Variants in CNTNAP2 observed in about 807,000 individuals in gnomAD.
The protein encoded by CNTNAP2 is contactin associated protein 2, also known as contactin-associated protein-like 2.
A neutral mutation model predicts 155.2 loss-of-function variants in CNTNAP2; 98 were observed. The ratio of observed to expected loss-of-function variants is 0.63; its 90% CI spans 0.54 to 0.75. The LOEUF is 0.75. Among genes scored for constraint, CNTNAP2 ranks in the 30% least tolerant of loss-of-function variants. The pLI, the probability that CNTNAP2 is intolerant of heterozygous loss-of-function variation, is 0.00. For missense variants in CNTNAP2, 1,727 were observed against 1,688.1 expected, an observed-to-expected ratio of 1.02 and a Z score of -0.40; for synonymous variants, 651 against 631.2, an observed-to-expected ratio of 1.03 and a Z score of -0.47.
chr7:147,003,485 G>A (rs1300473485), intron 3 of CNTNAP2, among the ~76,000 whole-genome samples: 1 of 151,340 alleles, frequency 6.6e-6, no homozygotes, highest in East Asian at 1.9e-4. Context: ...AAAAAAGGCA[G>A]GATAACTAAA....
intron 8 of CNTNAP2, among the ~76,000 whole-genome samples, chr7:147,225,761 AGG>A (rs1803509068): frequency 7.9e-6 from 1 of 127,124 alleles, no homozygotes; most frequent in Non-Finnish European, 1.7e-5. Flanking sequence ...GAAGGAAGGA[AGG>A]AAGGAAGGAA....
At chr7:147,942,085 C>T (rs1045276253) in intron 14 of CNTNAP2, among the ~76,000 whole-genome samples, 5 of 152,168 alleles carry the variant, frequency 3.3e-5, no homozygotes, top group Non-Finnish European at 7.3e-5. Flanking sequence ...GATGCAAGAC[C>T]TCACTGCTAT....
At position 146,169,393 on chromosome 7, in the gene CNTNAP2, A is replaced by G. The variant is rs117641983; in HGVS notation, c.97+52420A>G. ...TAAAATTGAGAAATGAAAAATGTCT[A>G]TATTGAAGGCATAATGTGATGATTT... On this transcript the variant is annotated intron_variant, in intron 1 of 23. Coordinates refer to ENST00000361727, the MANE Select transcript of CNTNAP2 (RefSeq NM_014141.6). Among the ~76,000 whole-genome samples, 966 of 152,324 alleles carry G rather than the reference A, an allele frequency of 6.3e-3. 5 individuals carry two copies. Among genetic ancestry groups the G allele is most frequent in the Non-Finnish European group, 9.6e-3 (653 of 68,024 alleles).
chr7:147,273,789 T>G (rs1804821283), intron 8 of CNTNAP2, among the ~76,000 whole-genome samples: 1 of 146,542 alleles, frequency 6.8e-6, no homozygotes, highest in Admixed American at 6.8e-5. Flanking sequence ...ATATCTATTT[T>G]ATATATATTT....
At chr7:146,952,000 C>A (rs1797323879) in intron 3 of CNTNAP2, among the ~76,000 whole-genome samples, 1 of 151,982 alleles carries the variant, frequency 6.6e-6, no homozygotes, top group Non-Finnish European at 1.5e-5. Flanking sequence ...AGGCCAGTAT[C>A]CCTGATGAAC....
intron 22 of CNTNAP2, among the ~76,000 whole-genome samples, chr7:148,395,422 C>T (rs549746488): frequency 5.3e-5 from 8 of 152,106 alleles, no homozygotes; most frequent in African/African-American, 1.9e-4. Context: ...CAGGACTGCA[C>T]CCTCCAGATG....
At chr7:147,149,677 CTCTA>C (rs1485211375) in intron 8 of CNTNAP2, among the ~76,000 whole-genome samples, 1 of 151,954 alleles carries the variant, frequency 6.6e-6, no homozygotes, top group African/African-American at 2.4e-5. Context: ...GTAGATAGAT[CTCTA>C]TCTACTGTGT....
At chr7:147,556,035 G>A (rs1031152461) in intron 11 of CNTNAP2, among the ~76,000 whole-genome samples, 6 of 152,210 alleles carry the variant, frequency 3.9e-5, no homozygotes, top group African/African-American at 9.6e-5. Flanking sequence ...ACGTCTGCAT[G>A]TAAGCAGAGA....
chr7:147,899,079 C>A (rs995912301), intron 13 of CNTNAP2, among the ~76,000 whole-genome samples: 6 of 137,206 alleles, frequency 4.4e-5, no homozygotes, highest in African/African-American at 7.9e-5. Context: ...GTCACTCAGG[C>A]CTTTCATCCC....
At chr7:147,988,736 T>C (rs1801662862) in intron 15 of CNTNAP2, among the ~76,000 whole-genome samples, 1 of 152,182 alleles carries the variant, frequency 6.6e-6, no homozygotes, top group South Asian at 2.1e-4. Context: ...GCGGGAGATT[T>C]CTCTGCAAAT....
intron 9 of CNTNAP2, among the ~76,000 whole-genome samples, chr7:147,307,890 G>A (rs1303547876): frequency 6.6e-6 from 1 of 152,088 alleles, no homozygotes; most frequent in Non-Finnish European, 1.5e-5. Context: ...CTGAAAACCT[G>A]GCATTATTGT....
In CNTNAP2 at chr7:147,919,459, C is replaced by CTTTCTTTCTTTTTTTTTTTTTTTTTT. The variant is rs58537091; in HGVS notation, c.2255+15741_2255+15742insCTTTCTTTTTTTTTTTTTTTTTTTTT. Among the ~76,000 whole-genome samples, 40 of 51,228 alleles carry CTTTCTTTCTTTTTTTTTTTTTTTTTT rather than the reference C, an allele frequency of 7.8e-4. 1 individual carries two copies. Among genetic ancestry groups the CTTTCTTTCTTTTTTTTTTTTTTTTTT allele is most frequent in the African/African-American group, 3.8e-3 (35 of 9,298 alleles). The allele number at this position is 51,228 out of a possible 152,430, so 33.6% of individuals were successfully genotyped here. ...CACCATGTCTGGCTACTTTTTCTTT[C>CTTTCTTTCTTTTTTTTTTTTTTTTTT]TTTTTTTTTTTTTTTTTGAGACAGA... On this transcript the variant is annotated intron_variant, in intron 14 of 23. Coordinates refer to ENST00000361727, the MANE Select transcript of CNTNAP2 (RefSeq NM_014141.6).
intron 3 of CNTNAP2, among the ~76,000 whole-genome samples, chr7:146,895,357 T>C (rs1795854946): frequency 6.6e-6 from 1 of 151,024 alleles, no homozygotes; most frequent in African/African-American, 2.4e-5. Context: ...CTTTCTCTCT[T>C]TCTTTTTTCC....
At chr7:147,633,402 C>T (rs945520160) in intron 12 of CNTNAP2, among the ~76,000 whole-genome samples, 18 of 152,268 alleles carry the variant, frequency 1.2e-4, no homozygotes, top group South Asian at 6.2e-4. Flanking sequence ...GCAGTGCAGA[C>T]GAGATATGTG....
chr7:146,606,058 T>C (rs146957655), intron 1 of CNTNAP2, among the ~76,000 whole-genome samples: 229 of 152,332 alleles, frequency 1.5e-3, no homozygotes, highest in African/African-American at 5.2e-3. Flanking sequence ...TATGTATGTA[T>C]ACATTTTTAG....
At chr7:147,019,815 A>T (rs569276624) in intron 3 of CNTNAP2, among the ~76,000 whole-genome samples, 5 of 152,148 alleles carry the variant, frequency 3.3e-5, no homozygotes, top group Non-Finnish European at 7.4e-5. Context: ...AGAACTCACA[A>T]CTAATTAGTT....
intron 9 of CNTNAP2, among the ~76,000 whole-genome samples, chr7:147,312,434 C>A (rs1187107150): frequency 7.2e-6 from 1 of 139,778 alleles, no homozygotes; most frequent in Non-Finnish European, 1.5e-5. Flanking sequence ...ACAACAGTCC[C>A]CAGAGTGTGA....
chr7:146,612,096 G>C (rs373573794), intron 1 of CNTNAP2, among the ~76,000 whole-genome samples: 11 of 152,040 alleles, frequency 7.2e-5, no homozygotes, highest in African/African-American at 2.7e-4. Flanking sequence ...GACAACAATA[G>C]GACTCATGTA....
intron 15 of CNTNAP2, among the ~76,000 whole-genome samples, chr7:148,096,430 T>G (rs1803972201): frequency 6.6e-6 from 1 of 152,120 alleles, no homozygotes; most frequent in Non-Finnish European, 1.5e-5. Context: ...CATGAAATCA[T>G]AGAAATTTCA....
Sources: allele counts gnomAD v4.1 joint callset (sites outside exome capture counted in the v4.1 genomes callset), GRCh38; gene constraint gnomAD v4.1.1; transcripts MANE v1.5; gene names NCBI Gene and HGNC (gene_info 2026-07-23, HGNC 2026-07-21).